EPHX2: variants seen among roughly 807,000 people sequenced by gnomAD.
EPHX2 encodes bifunctional epoxide hydrolase 2.
Under a neutral mutation model 78.7 loss-of-function variants are expected in EPHX2, and 74 were observed. The observed-to-expected ratio is 0.94, with a 90% CI of 0.78 to 1.14. The LOEUF (loss-of-function observed/expected upper bound fraction) is 1.14, where lower values mean the gene tolerates loss of function less well. Ranked by LOEUF, EPHX2 falls within the 50% of genes most tolerant of loss-of-function variation. The pLI is 0.00. For missense variants in EPHX2, 715 were observed against 702.5 expected, an observed-to-expected ratio of 1.02 and a Z score of -0.20; for synonymous variants, 251 against 255.2, an observed-to-expected ratio of 0.98 and a Z score of 0.16.
chr8:27,512,021 C>T, intron 6 of EPHX2, 111 bp downstream of exon 6: 1 of 1,088,222 alleles, frequency 9.2e-7, no homozygotes, highest in Non-Finnish European at 1.4e-6. Flanking sequence ...GAACCTGAGC[C>T]TGGGAAGTGG....
At chr8:27,501,391 T>C (rs1291845583) in intron 2 of EPHX2, among the ~76,000 whole-genome samples, 1 of 129,836 alleles carries the variant, frequency 7.7e-6, no homozygotes, top group Admixed American at 8.1e-5. Context: ...CTTCTTCTTC[T>C]TCTTTCTTCT....
intron 18 of EPHX2, 49 bp from the exon 19 acceptor site, chr8:27,544,395 G>A (rs371820137): frequency 5.6e-6 from 9 of 1,610,810 alleles, no homozygotes; most frequent in Non-Finnish European, 5.1e-6. Flanking sequence ...GGTAGGTGCA[G>A]ACAAGTGTGA....
At chr8:27,532,020 C>T (rs1301064065) in intron 12 of EPHX2, among the ~76,000 whole-genome samples, 4 of 152,054 alleles carry the variant, frequency 2.6e-5, no homozygotes, top group African/African-American at 9.7e-5. Context: ...GCTCCTCTGA[C>T]AGTGTGCTGA....
intron 12 of EPHX2, among the ~76,000 whole-genome samples, chr8:27,534,703 T>A (rs1263793342): frequency 1.3e-5 from 2 of 152,062 alleles, no homozygotes; most frequent in South Asian, 4.2e-4. Context: ...GGACTGCAGG[T>A]CGCTGGAACG....
intron 13 of EPHX2, 131 bp from the exon 14 acceptor site, chr8:27,538,528 C>A: frequency 1.3e-6 from 1 of 786,586 alleles, no homozygotes; most frequent in Non-Finnish European, 2.0e-6. Context: ...ACTCAGAGGT[C>A]ATTTGTCATA....
chr8:27,495,556 G>A lies in EPHX2; in HGVS notation c.101+4247G>A, dbSNP rs72473994. Among the ~76,000 whole-genome samples the A allele has an allele frequency of 2.6e-3, 390 of 152,266 alleles. 2 individuals are homozygous for A. The highest frequency in any genetic ancestry group is 8.4e-3 in the African/African-American group (348 of 41,556). On this transcript the variant is annotated intron_variant, in intron 1 of 18. Coordinates refer to ENST00000521400, the MANE Select transcript of EPHX2 (RefSeq NM_001979.6). Reference sequence around the variant, plus strand: ...GCAGGGTTCAGGGCCACACACAAGCGCCTGGTATCTAAGCAGGCAGTTGTC... The same window carrying A: ...GCAGGGTTCAGGGCCACACACAAGCACCTGGTATCTAAGCAGGCAGTTGTC...
Position 27,525,415 on chromosome 8 carries a change from C to T in EPHX2, c.1112C>T (p.Pro371Leu). The T allele has an allele frequency of 2.5e-6, 4 of 1,614,156 alleles. No homozygotes were observed. Among genetic ancestry groups the T allele is most frequent in the Non-Finnish European group, 3.4e-6 (4 of 1,180,038 alleles). The change falls in exon 12 of 19, where the codon CCT becomes CTT. Residue 371 changes from proline to leucine, a missense_variant. Transcript: ENST00000521400. ...ATACCAGCAAATCCCAACATGTCCC[C>T]TTTGGAGAGTATCAAAGCCAACCCA... ...PFIPANPNMS[P>L]LESIKANPVF... is the part of the protein sequence containing the mutation.
At chr8:27,524,549 C>T (rs1045518495) in intron 11 of EPHX2, among the ~76,000 whole-genome samples, 1 of 152,208 alleles carries the variant, frequency 6.6e-6, no homozygotes, top group South Asian at 2.1e-4. Context: ...TATTTCCCAA[C>T]ATATTCCATT....
At chr8:27,535,863 T>G (rs1166880050) in intron 12 of EPHX2, among the ~76,000 whole-genome samples, 1 of 152,166 alleles carries the variant, frequency 6.6e-6, no homozygotes, top group African/African-American at 2.4e-5. Context: ...GACACTTCAC[T>G]TTAGTCCTCA....
intron 17 of EPHX2, 81 bp from the exon 18 acceptor site, chr8:27,544,097 AGAGAAGGC>A: frequency 6.8e-7 from 1 of 1,477,586 alleles, no homozygotes; most frequent in Non-Finnish European, 9.4e-7. Context: ...CGGGGAGCAG[AGAGAAGGC>A]GTCCATTGCC....
chr8:27,521,892 C>A (rs533691773), intron 10 of EPHX2, among the ~76,000 whole-genome samples: 1 of 152,178 alleles, frequency 6.6e-6, no homozygotes, highest in African/African-American at 2.4e-5. Flanking sequence ...TTTCTGAGAA[C>A]GTGTCCCCCT....
chr8:27,546,741 G>C (rs1412843137), downstream of EPHX2, among the ~76,000 whole-genome samples: 1 of 152,180 alleles, frequency 6.6e-6, no homozygotes, highest in Non-Finnish European at 1.5e-5. Flanking sequence ...AGTAAGAGTT[G>C]AATAACTCCA....
intron 7 of EPHX2, among the ~76,000 whole-genome samples, 176 bp downstream of exon 7, chr8:27,515,989 C>T (rs573177407): frequency 1.3e-5 from 2 of 152,286 alleles, no homozygotes; most frequent in South Asian, 2.1e-4. Context: ...TGTTAGGCCA[C>T]GAGGCACTTT....
At position 27,491,308 on chromosome 8, in the gene EPHX2, A is replaced by G. The variant is rs1311702115; in HGVS notation, c.100A>G (p.Arg34Gly). 1.3e-6 allele frequency: 2 copies of G among 1,520,632 alleles called. No homozygotes were observed. The highest frequency in any genetic ancestry group is 2.1e-5 in the Admixed American group (1 of 48,010). 94.2% of individuals were successfully genotyped at this position (1,520,632 alleles called of 1,614,324 possible). A position where few individuals can be genotyped will look rare whatever the true frequency, so the allele number is the denominator to read the frequency against. Residue 34 changes from arginine to glycine, a missense_variant and splice_region_variant, in exon 1 of 19, where the codon AGA (arginine) becomes GGA (glycine). Arg to Gly is a moderately radical substitution (Grantham distance 125). Coordinates refer to ENST00000521400, the MANE Select transcript of EPHX2 (RefSeq NM_001979.6). ...CACGGAGGAGGCCCTGGCGCTGCCC[A>G]GGTAAGGGGGCCCAGCGCCGCCGCC... ...GRTEEALALPRGLLNDAFQKG... is the reference protein window; with the variant it reads ...GRTEEALALPGGLLNDAFQKG...
chr8:27,491,457 C>T, intron 1 of EPHX2, 148 bp downstream of exon 1: 1 of 596,628 alleles, frequency 1.7e-6, no homozygotes, highest in Admixed American at 3.7e-5. Context: ...CCCTGAAGTC[C>T]CAGTGCATAT....
At chr8:27,525,537 T>A in intron 12 of EPHX2, 64 bp downstream of exon 12, 1 of 1,354,072 alleles carries the variant, frequency 7.4e-7, no homozygotes, top group Non-Finnish European at 1.1e-6. Context: ...TCCTGTCTCC[T>A]TCTTATTTGC....
chr8:27,521,972 CG>C (rs1814663178), intron 10 of EPHX2, among the ~76,000 whole-genome samples: 1 of 151,992 alleles, frequency 6.6e-6, no homozygotes, highest in Admixed American at 6.5e-5. Flanking sequence ...ATACCAGCAG[CG>C]GAAAGAGAGA....
intron 6 of EPHX2, among the ~76,000 whole-genome samples, chr8:27,514,912 C>G (rs1287019326): frequency 6.6e-6 from 1 of 152,088 alleles, no homozygotes; most frequent in East Asian, 1.9e-4. Context: ...CCGTAGCCCC[C>G]AAAAAGACTA....
At chr8:27,516,042 C>G (rs1303812367) in intron 7 of EPHX2, among the ~76,000 whole-genome samples, 1 of 152,182 alleles carries the variant, frequency 6.6e-6, no homozygotes, top group Non-Finnish European at 1.5e-5. Flanking sequence ...CACTCCATGC[C>G]CCCTGCTGGG....
Sources: gnomAD v4.1 joint callset for allele counts (sites outside exome capture counted in the v4.1 genomes callset) on GRCh38, gnomAD v4.1.1 for gene constraint, MANE v1.5 for transcripts, NCBI Gene and HGNC (gene_info 2026-07-23, HGNC 2026-07-21) for gene names.